DST: variants seen among roughly 807,000 people sequenced by gnomAD.
The protein encoded by DST is dystonin.
Under a neutral mutation model 875.2 loss-of-function variants are expected in DST, and 253 were observed. The observed-to-expected ratio is 0.29, with a 90% CI of 0.26 to 0.32. The LOEUF is 0.32. Among genes scored for constraint, DST ranks in the 10% least tolerant of loss-of-function variants. The pLI is 1.00. For synonymous variants in DST, 3,124 were observed against 3,197.1 expected (o/e 0.98, Z 0.77); for missense variants, 8,287 against 9,111.6 (o/e 0.91, Z 3.68).
chr6:56,561,755 A>G (rs957388572), intron 56 of DST, among the ~76,000 whole-genome samples: 1 of 152,222 alleles, frequency 6.6e-6, no homozygotes, highest in Non-Finnish European at 1.5e-5. Flanking sequence ...AGAAAATTGC[A>G]TAACAAGTGA....
chr6:56,614,851 G>A (rs150986597), intron 36 of DST: 43,796 of 994,126 alleles, frequency 0.044, 1,121 homozygotes, highest in Non-Finnish European at 0.049. Context: ...TACCATAGAA[G>A]GCTGATAGAA....
intron 3 of DST, among the ~76,000 whole-genome samples, chr6:56,883,311 G>C (rs1783094169): frequency 6.6e-6 from 1 of 152,148 alleles, no homozygotes. Context: ...ATAATTCCTT[G>C]TCTATTTTAT....
chr6:56,817,168 TA>T (rs1418841171), intron 4 of DST, among the ~76,000 whole-genome samples: 1 of 151,986 alleles, frequency 6.6e-6, no homozygotes, highest in East Asian at 1.9e-4. Flanking sequence ...AAAATACTTA[TA>T]AAAAAACTAA....
intron 46 of DST, 130 bp from the exon 47 acceptor site, chr6:56,598,136 C>T (rs1278980661): frequency 2.2e-6 from 2 of 911,758 alleles, no homozygotes; most frequent in East Asian, 5.7e-5. Context: ...CAATTGAAAA[C>T]TTAACAACTG....
At chr6:56,730,236 T>G (rs2099491998) in intron 5 of DST, among the ~76,000 whole-genome samples, 1 of 152,170 alleles carries the variant, frequency 6.6e-6, no homozygotes, top group African/African-American at 2.4e-5. Context: ...CCCCTTAAAC[T>G]ACTCCTCCTA....
intron 87 of DST, among the ~76,000 whole-genome samples, chr6:56,486,180 G>A (rs1348644768): frequency 2.0e-5 from 3 of 151,670 alleles, no homozygotes; most frequent in Non-Finnish European, 2.9e-5. Context: ...CGGCTAAAAC[G>A]GTGAAACCCC....
At chr6:56,557,880 T>A (rs144899307) in intron 58 of DST, among the ~76,000 whole-genome samples, 1 of 152,276 alleles carries the variant, frequency 6.6e-6, no homozygotes, top group East Asian at 1.9e-4. Context: ...ATATCAAATC[T>A]TCACTTATCC....
intron 22 of DST, among the ~76,000 whole-genome samples, chr6:56,638,608 A>C (rs561895931): frequency 6.6e-6 from 1 of 152,224 alleles, no homozygotes; most frequent in East Asian, 1.9e-4. Flanking sequence ...TCAGAAAGTC[A>C]CTAACTCTGT....
rs1046474733 is a variant in DST at position 56,953,765 on chromosome 6, G to A, written c.216+20C>T. On this transcript the variant is annotated intron_variant, in intron 2 of 103. Coordinates refer to ENST00000680361, the MANE Select transcript of DST (RefSeq NM_001374736.1). ...AAGAGAACTTCTTCTGACCTTGAGC[G>A]TGCGCGCTAAATAAATTACCTCAGA... 5 of 1,311,014 alleles carry A rather than the reference G, an allele frequency of 3.8e-6. No individual in the cohort carries two copies. Among genetic ancestry groups the A allele is most frequent in the South Asian group, 3.7e-5 (3 of 81,250 alleles). 81.2% of individuals were successfully genotyped at this position (1,311,014 alleles called of 1,614,324 possible).
intron 4 of DST, among the ~76,000 whole-genome samples, chr6:56,830,499 A>G (rs1191076694): frequency 6.6e-6 from 1 of 152,064 alleles, no homozygotes; most frequent in African/African-American, 2.4e-5. Context: ...TTTTCTTTCC[A>G]TATTTTCCCC....
Position 56,634,520 on chromosome 6 carries a change from G to C in DST, c.3436C>G (p.Pro1146Ala), listed in dbSNP as rs199545549. ...GGAGGAACGGTGAAGCACACAGATG[G>C]GACCATAGCCTCATTCCCAGTAGGA... ...ISPTGNEAMVPSVCFTVPPPN... is the reference protein window; with the variant it reads ...ISPTGNEAMVASVCFTVPPPN... The change falls in exon 26 of 104, where the codon CCA becomes GCA. Residue 1146 changes from proline to alanine, a missense_variant. Pro to Ala is a conservative substitution (Grantham distance 27). This residue lies in a region of DST where 1,160 missense variants were observed against 1,424.3 expected (regional missense o/e 0.81). Coordinates refer to ENST00000680361, the MANE Select transcript of DST (RefSeq NM_001374736.1). 2 of 1,614,128 alleles carry C rather than the reference G, an allele frequency of 1.2e-6. No homozygotes were observed. The highest frequency in any genetic ancestry group is 2.2e-5 in the South Asian group (2 of 91,076).
chr6:56,951,652 A>G (rs1346020652), intron 2 of DST, among the ~76,000 whole-genome samples: 1 of 152,150 alleles, frequency 6.6e-6, no homozygotes, highest in Non-Finnish European at 1.5e-5. Context: ...CAGTCCCATA[A>G]TTTTCACTTA....
intron 39 of DST, among the ~76,000 whole-genome samples, chr6:56,609,598 C>A (rs547125952): frequency 6.6e-6 from 1 of 152,024 alleles, no homozygotes; most frequent in Non-Finnish European, 1.5e-5. Context: ...AACTTGATAT[C>A]GTGTATATTG....
At chr6:56,513,879 A>C (rs2096535715) in intron 72 of DST, among the ~76,000 whole-genome samples, 1 of 152,216 alleles carries the variant, frequency 6.6e-6, no homozygotes, top group Non-Finnish European at 1.5e-5. Context: ...ATGTGGTAAC[A>C]TGGCCCTTGG....
chr6:56,911,586 G>C (rs565962321), intron 2 of DST, among the ~76,000 whole-genome samples: 1 of 152,302 alleles, frequency 6.6e-6, no homozygotes, highest in African/African-American at 2.4e-5. Context: ...TTCTATCCAT[G>C]TAAAGCCAGA....
intron 102 of DST, chr6:56,461,746 AAT>A (rs2094341409): frequency 6.6e-6 from 1 of 152,224 alleles, no homozygotes; most frequent in Non-Finnish European, 1.5e-5. Flanking sequence ...AGCAAATGTT[AAT>A]ATGTCCCTTG....
chr6:56,501,895 T>C (rs1167594841), intron 78 of DST, among the ~76,000 whole-genome samples: 2 of 152,098 alleles, frequency 1.3e-5, no homozygotes, highest in Non-Finnish European at 2.9e-5. Flanking sequence ...TATTCAATAT[T>C]TTTGGATGGA....
At chr6:56,882,856 T>C (rs1023819283) in intron 3 of DST, among the ~76,000 whole-genome samples, 3 of 152,218 alleles carry the variant, frequency 2.0e-5, no homozygotes, top group African/African-American at 7.2e-5. Flanking sequence ...AGCAATGTGA[T>C]AGCATGTTGC....
chr6:56,852,938 GAAATAAACTCTA>G (rs1765973136), intron 3 of DST, among the ~76,000 whole-genome samples: 2 of 152,212 alleles, frequency 1.3e-5, no homozygotes, highest in Admixed American at 1.3e-4. Context: ...CTAGGTACGT[GAAATAAACTCTA>G]ATTGCATCAG....
Sources: gnomAD v4.1 joint callset for allele counts (sites outside exome capture counted in the v4.1 genomes callset) on GRCh38, gnomAD v4.1.1 for gene constraint, gnomAD v4.1.1 regional missense constraint, MANE v1.5 for transcripts, NCBI Gene and HGNC (gene_info 2026-07-23, HGNC 2026-07-21) for gene names.